The following SNTG1 variants were observed in gnomAD, a reference collection of about 807,000 sequenced individuals.
SNTG1 encodes syntrophin gamma 1.
A neutral mutation model predicts 74.7 loss-of-function variants in SNTG1; 39 were observed. That is an observed-to-expected ratio of 0.52 (90% confidence interval 0.40 to 0.68). The LOEUF (loss-of-function observed/expected upper bound fraction) is 0.68, where lower values mean the gene tolerates loss of function less well. SNTG1 is among the 30% of genes least tolerant of loss of function. SNTG1 has a pLI of 0.00. For missense variants in SNTG1, 685 were observed against 609.5 expected (o/e 1.12, Z -1.30); for synonymous variants, 254 against 217.1 (o/e 1.17, Z -1.49).
At chr8:50,189,959 T>C in intron 2 of SNTG1, among the ~76,000 whole-genome samples, 1 of 152,184 alleles carries the variant, frequency 6.6e-6, no homozygotes, top group Non-Finnish European at 1.5e-5. Context: ...TGAGTGAAGA[T>C]TATTTTGTGA....
At chr8:50,504,451 T>G (rs2093989721) in intron 9 of SNTG1, among the ~76,000 whole-genome samples, 1 of 152,174 alleles carries the variant, frequency 6.6e-6, no homozygotes, top group Non-Finnish European at 1.5e-5. Context: ...ACTTAAGAAT[T>G]GAATTGCTGA....
chr8:50,107,807 G>T (rs561367749), intron 1 of SNTG1, among the ~76,000 whole-genome samples: 3 of 151,884 alleles, frequency 2.0e-5, no homozygotes, highest in Non-Finnish European at 2.9e-5. Flanking sequence ...CACCTAAGCC[G>T]CCCAAAGTGC....
chr8:50,516,537 T>TA (rs368383275), intron 9 of SNTG1, among the ~76,000 whole-genome samples: 442 of 152,158 alleles, frequency 2.9e-3, no homozygotes, highest in Non-Finnish European at 4.8e-3. Context: ...GCAAGGAAGA[T>TA]AAAAACCTTT....
chr8:50,220,095 C>T (rs1295702030), intron 2 of SNTG1, among the ~76,000 whole-genome samples: 1 of 152,088 alleles, frequency 6.6e-6, no homozygotes, highest in Non-Finnish European at 1.5e-5. Flanking sequence ...GGTGACCCTT[C>T]TCAGGTGTAT....
chr8:50,578,736 T>C (rs995739609), intron 12 of SNTG1, among the ~76,000 whole-genome samples: 1 of 152,202 alleles, frequency 6.6e-6, no homozygotes, highest in Non-Finnish European at 1.5e-5. Flanking sequence ...TGCCGCCACG[T>C]AAAGAAGGAT....
intron 1 of SNTG1, among the ~76,000 whole-genome samples, chr8:49,963,585 C>G (rs901616195): frequency 6.6e-6 from 1 of 152,104 alleles, no homozygotes; most frequent in Non-Finnish European, 1.5e-5. Flanking sequence ...CTTTCCTGAT[C>G]AAGCAAGCAT....
intron 1 of SNTG1, among the ~76,000 whole-genome samples, chr8:49,935,037 C>A (rs577262379): frequency 6.6e-6 from 1 of 151,906 alleles, no homozygotes. Flanking sequence ...TAAGCCATCC[C>A]GTACCATAAA....
rs77772399 is a variant in SNTG1, at chr8:50,178,830, G to A, written c.-28+6195G>A. 1.1e-4 allele frequency among the ~76,000 whole-genome samples: 16 copies of A among 152,086 alleles called. 1 individual carries two copies. The highest frequency in any genetic ancestry group is 4.2e-4 in the South Asian group (2 of 4,810). ...AAGACACACTTTCCCTTACTAAAAC[G>A]TTTCCTATTTTGATGTAGTCATGCT... On this transcript the variant is annotated intron_variant, in intron 2 of 18. Transcript: ENST00000642720.
chr8:50,447,201 G>C (rs2093415522), intron 5 of SNTG1, among the ~76,000 whole-genome samples: 1 of 152,076 alleles, frequency 6.6e-6, no homozygotes, highest in African/African-American at 2.4e-5. Flanking sequence ...CTTTTCTCTG[G>C]ACACCAAGAA....
intron 15 of SNTG1, among the ~76,000 whole-genome samples, chr8:50,669,633 TC>T (rs2095268978): frequency 6.6e-6 from 1 of 152,154 alleles, no homozygotes; most frequent in Non-Finnish European, 1.5e-5. Context: ...CTGGTACCAT[TC>T]CTTCTGAAAC....
At chr8:50,551,148 A>T (rs2094423458) in intron 11 of SNTG1, among the ~76,000 whole-genome samples, 1 of 152,132 alleles carries the variant, frequency 6.6e-6, no homozygotes, top group Admixed American at 6.6e-5. Flanking sequence ...AACCTTCTTT[A>T]CTTAGTAATG....
At chr8:49,976,983 C>T (rs1812252520) in intron 1 of SNTG1, among the ~76,000 whole-genome samples, 1 of 152,068 alleles carries the variant, frequency 6.6e-6, no homozygotes, top group African/African-American at 2.4e-5. Flanking sequence ...CAATTTGCAG[C>T]AGGAAGTGCT....
chr8:50,049,782 A>C (rs1040866423), intron 1 of SNTG1, among the ~76,000 whole-genome samples: 7 of 152,170 alleles, frequency 4.6e-5, no homozygotes, highest in African/African-American at 1.7e-4. Context: ...TGGGATTAAA[A>C]TAGAAATCAA....
At chr8:50,242,237 A>G (rs1186953626) in intron 2 of SNTG1, among the ~76,000 whole-genome samples, 1 of 151,972 alleles carries the variant, frequency 6.6e-6, no homozygotes, top group Non-Finnish European at 1.5e-5. Flanking sequence ...CTCTAAGAAG[A>G]TGTATCCTAG....
intron 8 of SNTG1, among the ~76,000 whole-genome samples, chr8:50,485,979 G>T (rs1483790622): frequency 6.6e-6 from 1 of 151,336 alleles, no homozygotes; most frequent in African/African-American, 2.4e-5. Flanking sequence ...TCAGATAGTT[G>T]TAGATATGCG....
intron 4 of SNTG1, among the ~76,000 whole-genome samples, chr8:50,420,029 G>C (rs2131448702): frequency 6.6e-6 from 1 of 152,004 alleles, no homozygotes; most frequent in Admixed American, 6.6e-5. Context: ...GTGTCTCAGG[G>C]ACCCATGAAA....
chr8:50,083,397 A>C (rs1586192693), intron 1 of SNTG1, among the ~76,000 whole-genome samples: 1 of 152,310 alleles, frequency 6.6e-6, no homozygotes, highest in East Asian at 1.9e-4. Context: ...ATTGCTCAAT[A>C]ATTGAAGTCA....
At chr8:50,318,252 C>T (rs12541772) in intron 2 of SNTG1, among the ~76,000 whole-genome samples, 3 of 152,092 alleles carry the variant, frequency 2.0e-5, no homozygotes, top group Admixed American at 6.5e-5. Flanking sequence ...AACATGTGCA[C>T]GGCAATCTAC....
chr8:50,551,206 GGTCATAT>G (rs1563562269), intron 11 of SNTG1, among the ~76,000 whole-genome samples: 1 of 151,966 alleles, frequency 6.6e-6, no homozygotes, highest in African/African-American at 2.4e-5. Flanking sequence ...TACTATAAGA[GGTCATAT>G]GTAATAAAAA....
Sources: gnomAD v4.1 joint callset for allele counts (sites outside exome capture counted in the v4.1 genomes callset) on GRCh38, gnomAD v4.1.1 for gene constraint, MANE v1.5 for transcripts, NCBI Gene and HGNC (gene_info 2026-07-23, HGNC 2026-07-21) for gene names.